The following DGUOK variants were observed in gnomAD, a reference collection of about 807,000 sequenced individuals.
DGUOK encodes deoxyguanosine kinase, also known as deoxyguanosine kinase, mitochondrial.
DGUOK carries 30 observed loss-of-function variants against 36.6 expected under a neutral mutation model. The ratio of observed to expected loss-of-function variants is 0.82; its 90% CI spans 0.61 to 1.11. The LOEUF (loss-of-function observed/expected upper bound fraction) is 1.11, where lower values mean the gene tolerates loss of function less well. Ranked by LOEUF, DGUOK falls within the 50% of genes most tolerant of loss-of-function variation. DGUOK has a pLI of 0.00. For missense variants in DGUOK, 361 were observed against 336.4 expected, an observed-to-expected ratio of 1.07 and a Z score of -0.57; for synonymous variants, 145 against 126.3, an observed-to-expected ratio of 1.15 and a Z score of -0.99.
chr2:73,928,441 TAAATA>T (rs1410248454), intron 1 of DGUOK, among the ~76,000 whole-genome samples: 6 of 152,330 alleles, frequency 3.9e-5, no homozygotes, highest in Middle Eastern at 3.4e-3. Flanking sequence ...GTTGTCATTT[TAAATA>T]AAATAAGCAA....
chr2:73,947,010 G>T, intron 3 of DGUOK, 104 bp downstream of exon 3: 1 of 1,091,232 alleles, frequency 9.2e-7, no homozygotes, highest in Non-Finnish European at 1.4e-6. Flanking sequence ...ATTATAATTT[G>T]AAAAATTATC....
chr2:73,957,904 A>G (rs1284005896), intron 5 of DGUOK: 1 of 418,598 alleles, frequency 2.4e-6, no homozygotes, highest in Non-Finnish European at 4.5e-6. Flanking sequence ...TTGTCCACTT[A>G]AAATGTTTGG....
chr2:73,950,304 C>A (rs777057880), intron 3 of DGUOK, among the ~76,000 whole-genome samples: 2 of 152,174 alleles, frequency 1.3e-5, no homozygotes, highest in Admixed American at 6.5e-5. Flanking sequence ...ATGATACTAT[C>A]TTCTGTCTCT....
In DGUOK at chr2:73,950,830, G is replaced by A. The variant is rs185808986; in HGVS notation, c.591+98G>A. ...ATTTTCTGGTTGGAGAGATTAGAGC[G>A]TAGACATTACCTGCAGCACAGAGAG... On this transcript the variant is annotated intron_variant, in intron 4 of 6. Transcript: ENST00000264093. The A allele has an allele frequency of 3.3e-4, 489 of 1,504,236 alleles. 3 individuals are homozygous for A. The African/African-American group carries it at 6.1e-3, about 19-fold the overall frequency. 93.2% of individuals were successfully genotyped at this position (1,504,236 alleles called of 1,614,324 possible). A position where few individuals can be genotyped will look rare whatever the true frequency, so the allele number is the denominator to read the frequency against.
At chr2:73,957,283 T>C (rs749443990) in intron 5 of DGUOK, 43 bp downstream of exon 5, 2 of 1,481,630 alleles carry the variant, frequency 1.3e-6, no homozygotes, top group Non-Finnish European at 9.4e-7. Flanking sequence ...GAGACCTGGC[T>C]CCCAACAGCC....
intron 4 of DGUOK, among the ~76,000 whole-genome samples, chr2:73,951,891 T>C (rs1464689): frequency 0.64 from 96,686 of 152,142 alleles, 31,359 homozygotes; most frequent in Non-Finnish European, 0.69. Flanking sequence ...GAAACTGGGC[T>C]GGTGCAGTGG....
rs371342464 is a variant in DGUOK, at chr2:73,957,230, A to G, written c.697A>G (p.Lys233Glu). 7.7e-5 allele frequency: 124 copies of G among 1,613,462 alleles called. No individual in the cohort carries two copies. Among genetic ancestry groups the G allele is most frequent in the Non-Finnish European group, 1.0e-4 (123 of 1,179,566 alleles). Residue 233 changes from lysine to glutamate, a missense_variant, in exon 5 of 7, where the codon AAG becomes GAG. Lys to Glu is a moderately conservative substitution (Grantham distance 56). Coordinates refer to ENST00000264093, the MANE Select transcript of DGUOK (RefSeq NM_080916.3). ...HGQHEAWLIH[K>E]TTKLHFEALM... Reference sequence around the variant, plus strand: ...CCAACACGAAGCCTGGCTTATTCACAAGACAACGAAGTAAGTGGGGAGAAA... The same window carrying G: ...CCAACACGAAGCCTGGCTTATTCACGAGACAACGAAGTAAGTGGGGAGAAA...
Position 73,930,787 on chromosome 2 carries a change from TTTTTTTC to T in DGUOK, c.142+3742_142+3748del, listed in dbSNP as rs1213755187. ...AACAGATTCGACATAATTTTCTTTT[TTTTTTTC>T]TTTTTTTTTTTTTTTTTTTGAGACA... On this transcript the variant is annotated intron_variant, in intron 1 of 6. Transcript: ENST00000264093. Among the ~76,000 whole-genome samples, 233 of 78,248 alleles carry T rather than the reference TTTTTTTC, an allele frequency of 3.0e-3. 10 individuals are homozygous for T. Among genetic ancestry groups the T allele is most frequent in the African/African-American group, 8.5e-3 (186 of 21,892 alleles). The allele number at this position is 78,248 out of a possible 152,430, so 51.3% of individuals were successfully genotyped here. A position where few individuals can be genotyped will look rare whatever the true frequency, so the allele number is the denominator to read the frequency against.
chr2:73,937,843 A>G (rs751756022), intron 1 of DGUOK, among the ~76,000 whole-genome samples: 3 of 152,162 alleles, frequency 2.0e-5, no homozygotes, highest in Non-Finnish European at 2.9e-5. Context: ...AACAACCACT[A>G]CTTTTCACTC....
At chr2:73,956,379 T>G (rs1020485198) in intron 4 of DGUOK, among the ~76,000 whole-genome samples, 1 of 152,232 alleles carries the variant, frequency 6.6e-6, no homozygotes, top group Admixed American at 6.5e-5. Context: ...TGCAATGCTA[T>G]TCATACATAC....
At chr2:73,930,002 T>G (rs913533601) in intron 1 of DGUOK, among the ~76,000 whole-genome samples, 1 of 152,180 alleles carries the variant, frequency 6.6e-6, no homozygotes, top group African/African-American at 2.4e-5. Flanking sequence ...AATTGGTAAA[T>G]CGGGACAGAG....
chr2:73,950,864 G>T lies in DGUOK; in HGVS notation c.591+132G>T, dbSNP rs190220814. ...ACCTGCAGCACAGAGAGCAGTGGGG[G>T]ACACCCTCCTGTCCCAGCGTTGAGC... On this transcript the variant is annotated intron_variant, in intron 4 of 6. Coordinates refer to ENST00000264093, the MANE Select transcript of DGUOK (RefSeq NM_080916.3). 1.6e-4 allele frequency: 195 copies of T among 1,231,382 alleles called. No homozygotes were observed. The East Asian group carries it at 4.2e-3, about 27-fold the overall frequency. 76.3% of individuals were successfully genotyped at this position (1,231,382 alleles called of 1,614,324 possible).
intron 4 of DGUOK, among the ~76,000 whole-genome samples, chr2:73,954,207 A>C (rs992691937): frequency 2.6e-5 from 4 of 152,188 alleles, no homozygotes; most frequent in Admixed American, 6.5e-5. Context: ...TTAGCCAAGC[A>C]TGGTGGTGTG....
At chr2:73,953,885 AT>A (rs1174141503) in intron 4 of DGUOK, among the ~76,000 whole-genome samples, 22 of 150,496 alleles carry the variant, frequency 1.5e-4, no homozygotes, top group Admixed American at 1.1e-3. Context: ...CACCCGGCTA[AT>A]TTTTTTTTGT....
At chr2:73,928,203 C>G (rs757314694) in intron 1 of DGUOK, among the ~76,000 whole-genome samples, 2 of 152,232 alleles carry the variant, frequency 1.3e-5, no homozygotes, top group Non-Finnish European at 2.9e-5. Context: ...TCTCGACTCA[C>G]TGCAACCTCT....
chr2:73,928,539 T>C (rs1386828802), intron 1 of DGUOK, among the ~76,000 whole-genome samples: 1 of 152,180 alleles, frequency 6.6e-6, no homozygotes. Flanking sequence ...AAGAATCTTC[T>C]AGGCAGAGTG....
chr2:73,958,866 T>C lies in DGUOK; in HGVS notation c.*130T>C. Reference sequence around the variant, plus strand: ...CTGGAGCACTCTGCCGCTCAAGAGCTGGTTTGTTAATTATTGTTAGACTTT... The same window carrying C: ...CTGGAGCACTCTGCCGCTCAAGAGCCGGTTTGTTAATTATTGTTAGACTTT... On this transcript the variant is annotated 3_prime_UTR_variant, in exon 7 of 7. Coordinates refer to ENST00000264093, the MANE Select transcript of DGUOK (RefSeq NM_080916.3). The C allele has an allele frequency of 1.3e-6, 1 of 779,010 alleles. No homozygotes were observed. The highest frequency in any genetic ancestry group is 2.2e-6 in the Non-Finnish European group (1 of 445,190). The allele number at this position is 779,010 out of a possible 1,614,324, so 48.3% of individuals were successfully genotyped here.
At chr2:73,937,571 C>G in intron 1 of DGUOK, among the ~76,000 whole-genome samples, 1 of 152,172 alleles carries the variant, frequency 6.6e-6, no homozygotes, top group East Asian at 1.9e-4. Context: ...GGAGGGACTT[C>G]TGTCAGTGAG....
chr2:73,943,731 C>T (rs1682080919), intron 2 of DGUOK, among the ~76,000 whole-genome samples: 1 of 151,680 alleles, frequency 6.6e-6, no homozygotes, highest in Non-Finnish European at 1.5e-5. Context: ...CTCATTGTAA[C>T]CTCCGCCTCC....
Sources: gnomAD v4.1 joint callset for allele counts (sites outside exome capture counted in the v4.1 genomes callset) on GRCh38, gnomAD v4.1.1 for gene constraint, MANE v1.5 for transcripts, NCBI Gene and HGNC (gene_info 2026-07-23, HGNC 2026-07-21) for gene names.